The following EXO1 variants were observed in gnomAD, a reference collection of about 807,000 sequenced individuals.
EXO1 encodes the protein exonuclease 1.
EXO1 carries 69 observed loss-of-function variants against 84.5 expected under a neutral mutation model. That is an observed-to-expected ratio of 0.82 (90% CI 0.67 to 1.00). EXO1 has a LOEUF of 1.00. EXO1 is among the 50% of genes least tolerant of loss of function. The pLI is 0.00. For synonymous variants in EXO1, 373 were observed against 366.1 expected (o/e 1.02, Z -0.21); for missense variants, 1,045 against 1,000.7 (o/e 1.04, Z -0.60).
At chr1:241,850,361 G>T (rs1011386641) in intron 3 of EXO1, 48 bp from the exon 4 acceptor site, 18 of 1,229,918 alleles carry the variant, frequency 1.5e-5, no homozygotes, top group African/African-American at 3.0e-5. Flanking sequence ...TTTAATAAAT[G>T]TATTTTTCTT....
intron 14 of EXO1, among the ~76,000 whole-genome samples, chr1:241,882,255 T>C (rs942481245): frequency 1.3e-5 from 2 of 152,214 alleles, no homozygotes; most frequent in African/African-American, 4.8e-5. Context: ...GTAATGACTT[T>C]ATAATATGCA....
At chr1:241,862,853 T>C (rs1661478667) in intron 10 of EXO1, among the ~76,000 whole-genome samples, 1 of 152,238 alleles carries the variant, frequency 6.6e-6, no homozygotes, top group Non-Finnish European at 1.5e-5. Flanking sequence ...AGTTTAATTC[T>C]TGCTCACTAA....
chr1:241,872,081 G>C lies in EXO1; in HGVS notation c.1317G>C (p.Thr439=). 6.2e-7 allele frequency: 1 copy of C among 1,613,378 alleles called. No individual in the cohort carries two copies. The highest frequency in any genetic ancestry group is 8.5e-7 in the Non-Finnish European group (1 of 1,179,486). The change falls in exon 12 of 16, where the codon ACG becomes ACC. Residue 439 remains threonine, a synonymous_variant. Transcript: ENST00000366548. ...TGAGTCAGTATTCTCTTTCATTTACGAAGAAGACCAAGAAAAATAGCTCTG... is the reference window on the plus strand; with the variant it reads ...TGAGTCAGTATTCTCTTTCATTTACCAAGAAGACCAAGAAAAATAGCTCTG... The part of the protein sequence containing the change: ...DLLSQYSLSF[T]KKTKKNSSEG...
intron 12 of EXO1, among the ~76,000 whole-genome samples, chr1:241,875,845 T>TCCAG (rs558980247): frequency 5.9e-5 from 9 of 152,206 alleles, no homozygotes; most frequent in Non-Finnish European, 1.0e-4. Context: ...GCCACTGCAC[T>TCCAG]CCAGCCTGGG....
In EXO1 at chr1:241,878,896, T is replaced by G. The variant is rs772128848; in HGVS notation, c.1662T>G (p.Asp554Glu). ...DQEGKRLVDT[D>E]VARNSSDDIP... ...AAGGCAAGAGACTGGTTGACACAGA[T>G]GTAGCACGTAATTCAAGTGATGACA... The change falls in exon 13 of 16, where the codon GAT becomes GAG. Residue 554 changes from aspartate to glutamate, a missense_variant. Asp to Glu is a conservative substitution (Grantham distance 45, BLOSUM62 2). Transcript: ENST00000366548. The G allele has an allele frequency of 2.5e-6, 4 of 1,614,162 alleles. No individual in the cohort carries two copies. The highest frequency in any genetic ancestry group is 2.5e-6 in the Non-Finnish European group (3 of 1,180,020).
chr1:241,875,894 A>G (rs779152582), intron 12 of EXO1, among the ~76,000 whole-genome samples: 3 of 152,160 alleles, frequency 2.0e-5, no homozygotes, highest in African/African-American at 7.2e-5. Context: ...AGAAAAAAAT[A>G]CACTGATTAA....
At chr1:241,851,751 G>A (rs1660680118) in intron 4 of EXO1, among the ~76,000 whole-genome samples, 5 of 152,070 alleles carry the variant, frequency 3.3e-5, no homozygotes, top group Admixed American at 3.3e-4. Flanking sequence ...AGGGAAATCA[G>A]GCACCTCTTC....
chr1:241,855,150 G>C (rs1023085725), intron 6 of EXO1, among the ~76,000 whole-genome samples: 2 of 152,200 alleles, frequency 1.3e-5, no homozygotes, highest in Admixed American at 1.3e-4. Flanking sequence ...GGCTGGGGCA[G>C]CCAGCTTTTA....
intron 5 of EXO1, 45 bp downstream of exon 5, chr1:241,852,456 T>G (rs781289972): frequency 6.4e-7 from 1 of 1,553,618 alleles, no homozygotes; most frequent in Admixed American, 1.7e-5. Context: ...TGCACTAAGG[T>G]CAGACACTGT....
intron 10 of EXO1, among the ~76,000 whole-genome samples, chr1:241,863,010 G>T (rs1418756501): frequency 6.6e-6 from 1 of 152,162 alleles, no homozygotes; most frequent in Non-Finnish European, 1.5e-5. Context: ...AAGGAGAAGG[G>T]ATTCTATAGA....
intron 12 of EXO1, among the ~76,000 whole-genome samples, chr1:241,876,406 A>C (rs2148499412): frequency 6.6e-6 from 1 of 151,356 alleles, no homozygotes; most frequent in South Asian, 2.1e-4. Flanking sequence ...ACATAGTGAA[A>C]CCCCGTCTCT....
intron 15 of EXO1, among the ~76,000 whole-genome samples, chr1:241,885,892 T>C (rs577075711): frequency 6.1e-4 from 91 of 149,714 alleles, no homozygotes; most frequent in Non-Finnish European, 9.4e-4. Flanking sequence ...TTGCTCTTGT[T>C]ACCCAGGCTG....
At chr1:241,858,117 C>G (rs1387140192) in intron 7 of EXO1, among the ~76,000 whole-genome samples, 1 of 152,126 alleles carries the variant, frequency 6.6e-6, no homozygotes, top group Non-Finnish European at 1.5e-5. Flanking sequence ...AAATTTTCTA[C>G]AATAAACATG....
At chr1:241,876,233 C>A (rs1662393727) in intron 12 of EXO1, among the ~76,000 whole-genome samples, 1 of 152,152 alleles carries the variant, frequency 6.6e-6, no homozygotes, top group South Asian at 2.1e-4. Flanking sequence ...AAATAATTAT[C>A]AGGAGTAAGT....
chr1:241,886,025 G>A (rs1048216969), intron 15 of EXO1, among the ~76,000 whole-genome samples: 1 of 151,830 alleles, frequency 6.6e-6, no homozygotes, highest in Non-Finnish European at 1.5e-5. Context: ...GGCTAATTTT[G>A]TATCTTTAAT....
At chr1:241,858,013 T>G (rs151302511) in intron 7 of EXO1, among the ~76,000 whole-genome samples, 290 of 152,332 alleles carry the variant, frequency 1.9e-3, no homozygotes, top group African/African-American at 6.6e-3. Context: ...TATTTATGAC[T>G]AGAAGGGTCT....
chr1:241,868,413 A>G (rs898076631), intron 11 of EXO1, among the ~76,000 whole-genome samples: 5 of 151,572 alleles, frequency 3.3e-5, no homozygotes, highest in African/African-American at 1.2e-4. Flanking sequence ...GAAAGCTGTC[A>G]GCTGGTTATT....
At chr1:241,864,907 G>T in intron 10 of EXO1, among the ~76,000 whole-genome samples, 1 of 150,044 alleles carries the variant, frequency 6.7e-6, no homozygotes. Context: ...TTTGAGACAG[G>T]GTCTCTTTCT....
At chr1:241,876,083 G>A (rs543383783) in intron 12 of EXO1, among the ~76,000 whole-genome samples, 2 of 152,234 alleles carry the variant, frequency 1.3e-5, no homozygotes, top group East Asian at 3.9e-4. Context: ...AGTCATTATA[G>A]AAGCTTAAGG....
Sources: allele counts gnomAD v4.1 joint callset (sites outside exome capture counted in the v4.1 genomes callset), GRCh38; gene constraint gnomAD v4.1.1; transcripts MANE v1.5; gene names NCBI Gene and HGNC (gene_info 2026-07-23, HGNC 2026-07-21).